The following RIMS1 variants were observed in gnomAD, a reference collection of about 807,000 sequenced individuals.
RIMS1 encodes the protein regulating synaptic membrane exocytosis protein 1.
Under a neutral mutation model 214.1 loss-of-function variants are expected in RIMS1, and 83 were observed. That is an observed-to-expected ratio of 0.39 (90% CI 0.32 to 0.47). The LOEUF is 0.47. RIMS1 is among the 20% of genes least tolerant of loss of function. The pLI, the probability that RIMS1 is intolerant of heterozygous loss-of-function variation, is 0.99. For synonymous variants in RIMS1, 793 were observed against 786.8 expected, an observed-to-expected ratio of 1.01 and a Z score of -0.13; for missense variants, 2,050 against 2,161.8, an observed-to-expected ratio of 0.95 and a Z score of 1.03.
At chr6:72,022,016 A>G (rs76501788) in intron 2 of RIMS1, among the ~76,000 whole-genome samples, 1 of 152,328 alleles carries the variant, frequency 6.6e-6, no homozygotes, top group East Asian at 1.9e-4. Context: ...ATCCTCAAGT[A>G]GAATGATAGG....
intron 28 of RIMS1, among the ~76,000 whole-genome samples, chr6:72,323,367 T>G (rs1287150314): frequency 6.6e-6 from 1 of 151,990 alleles, no homozygotes; most frequent in African/African-American, 2.4e-5. Flanking sequence ...TATCTGTGAT[T>G]AATATGTTAA....
At chr6:72,012,873 G>A (rs1811313668) in intron 2 of RIMS1, among the ~76,000 whole-genome samples, 1 of 152,162 alleles carries the variant, frequency 6.6e-6, no homozygotes, top group African/African-American at 2.4e-5. Context: ...AGGTGTTTGG[G>A]TTAAATTGTA....
chr6:72,286,378 C>G (rs2092314214), intron 24 of RIMS1, among the ~76,000 whole-genome samples: 2 of 152,150 alleles, frequency 1.3e-5, no homozygotes, highest in South Asian at 4.1e-4. Flanking sequence ...CTTTGCAACT[C>G]TGAAATGTAA....
At chr6:72,108,896 T>A (rs1045166994) in intron 4 of RIMS1, among the ~76,000 whole-genome samples, 3 of 130,126 alleles carry the variant, frequency 2.3e-5, no homozygotes, top group Non-Finnish European at 3.1e-5. Flanking sequence ...TTCCCCTTCC[T>A]GTGTCCATGT....
At chr6:72,158,364 C>G (rs1380705055) in intron 4 of RIMS1, among the ~76,000 whole-genome samples, 1 of 140,396 alleles carries the variant, frequency 7.1e-6, no homozygotes, top group Non-Finnish European at 1.6e-5. Context: ...ATGGTTACTC[C>G]TTTGAAAATA....
At chr6:72,137,738 T>TC (rs1351065853) in intron 4 of RIMS1, among the ~76,000 whole-genome samples, 3 of 146,598 alleles carry the variant, frequency 2.0e-5, no homozygotes, top group African/African-American at 7.5e-5. Flanking sequence ...TACAATCTTT[T>TC]TTTTTTTTTT....
At chr6:71,931,180 C>A (rs753054687) in intron 1 of RIMS1, among the ~76,000 whole-genome samples, 1 of 151,872 alleles carries the variant, frequency 6.6e-6, no homozygotes, top group African/African-American at 2.4e-5. Context: ...GCATTTAAAG[C>A]GGTCATGTAA....
intron 2 of RIMS1, among the ~76,000 whole-genome samples, chr6:72,084,416 T>G (rs1225657672): frequency 1.3e-5 from 2 of 152,214 alleles, no homozygotes; most frequent in African/African-American, 4.8e-5. Flanking sequence ...ATAACTTGTT[T>G]GTCAAAATAT....
At chr6:72,151,852 G>T (rs1189122300) in intron 4 of RIMS1, among the ~76,000 whole-genome samples, 2 of 152,202 alleles carry the variant, frequency 1.3e-5, no homozygotes, top group African/African-American at 4.8e-5. Context: ...AGTTCTGCAG[G>T]ATGTACAGAA....
At chr6:72,154,119 A>C (rs1214192346) in intron 4 of RIMS1, among the ~76,000 whole-genome samples, 1 of 152,192 alleles carries the variant, frequency 6.6e-6, no homozygotes, top group African/African-American at 2.4e-5. Context: ...GCACTCACAC[A>C]GACAAGATAT....
intron 29 of RIMS1, among the ~76,000 whole-genome samples, chr6:72,379,917 G>A (rs2098456438): frequency 6.6e-6 from 1 of 152,032 alleles, no homozygotes; most frequent in South Asian, 2.1e-4. Context: ...TTGGATAGGA[G>A]GAAAGATTCC....
Position 72,390,599 on chromosome 6 carries a change from G to A in RIMS1, c.4368G>A (p.Glu1456=). 1 of 1,611,878 alleles carries A rather than the reference G, an allele frequency of 6.2e-7. No homozygotes were observed. The highest frequency in any genetic ancestry group is 8.5e-7 in the Non-Finnish European group (1 of 1,178,724). The change falls in exon 30 of 34, where the codon GAG becomes GAA. Residue 1456 remains glutamate (E), a splice_region_variant and synonymous_variant. Coordinates refer to ENST00000521978, the MANE Select transcript of RIMS1 (RefSeq NM_014989.7). ...SRSTSQLSQT[E]SGHKKLKSTI... ...GTTTCTTTTACTCTCTCCTGTCAGA[G>A]TCGGGCCACAAAAAGTTAAAAAGTA...
chr6:72,151,668 A>G (rs2043609124), intron 4 of RIMS1, among the ~76,000 whole-genome samples: 1 of 152,150 alleles, frequency 6.6e-6, no homozygotes, highest in Admixed American at 6.5e-5. Flanking sequence ...AAGGAGTATC[A>G]TATATCTCTC....
chr6:72,068,967 GA>G (rs898088698), intron 2 of RIMS1, among the ~76,000 whole-genome samples: 14 of 151,486 alleles, frequency 9.2e-5, no homozygotes, highest in Non-Finnish European at 1.9e-4. Context: ...GAAAGGAATT[GA>G]ACTGAAGCAA....
intron 12 of RIMS1, among the ~76,000 whole-genome samples, chr6:72,249,277 C>A (rs2071851767): frequency 6.6e-6 from 1 of 152,166 alleles, no homozygotes; most frequent in East Asian, 1.9e-4. Context: ...ACTGCCAGGG[C>A]AGATACTGTA....
chr6:72,064,263 A>G (rs2152268022), intron 2 of RIMS1, among the ~76,000 whole-genome samples: 1 of 152,172 alleles, frequency 6.6e-6, no homozygotes, highest in East Asian at 1.9e-4. Context: ...GGTTGCAGTG[A>G]GCTGAGATCG....
chr6:72,258,328 A>T (rs775671637), intron 17 of RIMS1, 47 bp downstream of exon 17: 3 of 1,510,444 alleles, frequency 2.0e-6, no homozygotes, highest in Non-Finnish European at 2.7e-6. Flanking sequence ...CATTTTTATT[A>T]TAATGCAGTG....
chr6:72,234,864 A>G (rs868862272), intron 7 of RIMS1, among the ~76,000 whole-genome samples: 2 of 152,022 alleles, frequency 1.3e-5, no homozygotes, highest in African/African-American at 2.4e-5. Flanking sequence ...AGCAATATGC[A>G]TTTAAGGTTC....
At chr6:72,256,152 AAAAGC>A (rs1334085174) in intron 16 of RIMS1, among the ~76,000 whole-genome samples, 1 of 152,146 alleles carries the variant, frequency 6.6e-6, no homozygotes, top group African/African-American at 2.4e-5. Context: ...TATAAATGTA[AAAAGC>A]AAAGAACTTT....
Sources: gnomAD v4.1 joint callset for allele counts (sites outside exome capture counted in the v4.1 genomes callset) on GRCh38, gnomAD v4.1.1 for gene constraint, MANE v1.5 for transcripts, NCBI Gene and HGNC (gene_info 2026-07-23, HGNC 2026-07-21) for gene names.